Variants in SCAPER observed in about 807,000 individuals in gnomAD.
SCAPER encodes the protein S-phase cyclin A associated protein in the ER.
In SCAPER, 98 loss-of-function variants were observed where a neutral mutation model predicts 182.2. The observed-to-expected ratio is 0.54, with a 90% CI of 0.46 to 0.64. SCAPER has a LOEUF of 0.64. Ranked by LOEUF, SCAPER falls within the 30% of genes least tolerant of loss-of-function variation. SCAPER has a pLI of 0.00. For missense variants in SCAPER, 1,432 were observed against 1,690.0 expected (o/e 0.85, Z 2.68); for synonymous variants, 605 against 564.6 (o/e 1.07, Z -1.01).
intron 9 of SCAPER, among the ~76,000 whole-genome samples, chr15:76,772,318 C>A (rs1427712893): frequency 6.6e-6 from 1 of 151,950 alleles, no homozygotes; most frequent in Non-Finnish European, 1.5e-5. Flanking sequence ...TATACTCATA[C>A]AACCAAAAGT....
intron 23 of SCAPER, among the ~76,000 whole-genome samples, chr15:76,517,416 C>G (rs1323534615): frequency 6.8e-6 from 1 of 146,198 alleles, no homozygotes; most frequent in Non-Finnish European, 1.5e-5. Flanking sequence ...GTGGTGTGAT[C>G]TTGACTCACT....
intron 11 of SCAPER, 83 bp downstream of exon 11, chr15:76,766,835 G>A (rs1209539577): frequency 8.4e-6 from 9 of 1,069,148 alleles, no homozygotes; most frequent in African/African-American, 1.6e-5. Flanking sequence ...AGGACTAGAT[G>A]GACTCCAAGT....
chr15:76,478,329 A>G (rs756554557), intron 24 of SCAPER, among the ~76,000 whole-genome samples: 3 of 152,052 alleles, frequency 2.0e-5, no homozygotes, highest in Admixed American at 6.5e-5. Flanking sequence ...CATATTGTTA[A>G]TATCTTTTTC....
In SCAPER at chr15:76,742,494, A is replaced by AG. The variant is rs1567986977; in HGVS notation, c.1867-9111dup. ...AAAAAAAAAAAAAAAAAAAAAAAAA[A>AG]GAATAAAAATAAACAGCAGTTATTG... On this transcript the variant is annotated intron_variant, in intron 15 of 31. Coordinates refer to ENST00000563290, the MANE Select transcript of SCAPER (RefSeq NM_020843.4). Among the ~76,000 whole-genome samples, 11 of 108,660 alleles carry AG rather than the reference A, an allele frequency of 1.0e-4. 2 individuals are homozygous for AG. The highest frequency in any genetic ancestry group is 2.9e-4 in the South Asian group (1 of 3,416). 71.3% of individuals were successfully genotyped at this position (108,660 alleles called of 152,430 possible). A position where few individuals can be genotyped will look rare whatever the true frequency, so the allele number is the denominator to read the frequency against.
intron 5 of SCAPER, among the ~76,000 whole-genome samples, chr15:76,816,579 T>C (rs1163932062): frequency 2.0e-5 from 3 of 152,182 alleles, no homozygotes; most frequent in African/African-American, 7.2e-5. Flanking sequence ...ACAGTTAGCT[T>C]TCTTTTTGTT....
At position 76,592,241 on chromosome 15, in the gene SCAPER, G is replaced by T. The variant is rs1015008743; in HGVS notation, c.2712-17957C>A. On this transcript the variant is annotated intron_variant, in intron 22 of 31. Transcript: ENST00000563290. Reference sequence around the variant, plus strand: ...AATATTTTTAAAATGGCATCTTAGAGGAAAGGAAGATATTTTAGAAATAAA... The same window carrying T: ...AATATTTTTAAAATGGCATCTTAGATGAAAGGAAGATATTTTAGAAATAAA... Among the ~76,000 whole-genome samples the T allele has an allele frequency of 1.9e-4, 28 of 145,800 alleles. 5 individuals are homozygous for T. The highest frequency in any genetic ancestry group is 3.5e-4 in the Non-Finnish European group (23 of 65,372).
chr15:76,798,556 A>G (rs1055575560), intron 7 of SCAPER, among the ~76,000 whole-genome samples: 10 of 152,090 alleles, frequency 6.6e-5, no homozygotes, highest in Non-Finnish European at 1.3e-4. Context: ...ATACATATCC[A>G]AGAGACTCAA....
At chr15:76,720,441 C>A (rs903196205) in intron 17 of SCAPER, among the ~76,000 whole-genome samples, 5 of 152,282 alleles carry the variant, frequency 3.3e-5, no homozygotes, top group South Asian at 4.1e-4. Context: ...TGGGTATATA[C>A]CCAGTAATGG....
At position 76,717,468 on chromosome 15, in the gene SCAPER, T is replaced by G. The variant is rs538615924; in HGVS notation, c.2165+11127A>C. Among the ~76,000 whole-genome samples the G allele has an allele frequency of 2.0e-5, 3 of 152,184 alleles. No individual in the cohort carries two copies. The South Asian group carries it at 6.2e-4, about 32-fold the overall frequency. ...TCAAAATAGTCAAAAACAACAAAAG[T>G]TACAATAAGTTTTTAAGGAATACAT... is the stretch of plus-strand genomic sequence containing the variant. On this transcript the variant is annotated intron_variant, in intron 17 of 31. Transcript: ENST00000563290.
chr15:76,459,924 G>C (rs560707897), intron 25 of SCAPER, among the ~76,000 whole-genome samples: 1 of 152,246 alleles, frequency 6.6e-6, no homozygotes, highest in South Asian at 2.1e-4. Context: ...TTACTAAAGA[G>C]GGTGTCCATT....
At chr15:76,866,304 A>G (rs1445568305) in intron 2 of SCAPER, among the ~76,000 whole-genome samples, 2 of 152,044 alleles carry the variant, frequency 1.3e-5, no homozygotes, top group Non-Finnish European at 2.9e-5. Context: ...TATGCCATAC[A>G]TTACATTCTA....
rs747291830 is a variant in SCAPER, at chr15:76,804,529, T to C, written c.494+4A>G. 3 of 1,594,604 alleles carry C rather than the reference T, an allele frequency of 1.9e-6. No individual in the cohort carries two copies. Among genetic ancestry groups the C allele is most frequent in the Admixed American group, 3.4e-5 (2 of 58,708 alleles). On this transcript the variant is annotated splice_donor_region_variant and intron_variant, in intron 6 of 31. Coordinates refer to ENST00000563290, the MANE Select transcript of SCAPER (RefSeq NM_020843.4). The stretch of plus-strand genomic sequence containing the variant: ...AGGAAGATTGAGACCAGAGAGCTCA[T>C]TACCTGCTTTGAGCATCTGTCTTCT...
intron 22 of SCAPER, among the ~76,000 whole-genome samples, chr15:76,581,817 C>T (rs1433257418): frequency 2.0e-5 from 3 of 152,076 alleles, no homozygotes; most frequent in East Asian, 3.9e-4. Flanking sequence ...AACTCCTGAG[C>T]TCAGGCAATC....
At chr15:76,883,993 C>T (rs1256577058) in intron 1 of SCAPER, 117 bp from the exon 2 acceptor site, 2 of 560,594 alleles carry the variant, frequency 3.6e-6, no homozygotes, top group African/African-American at 4.0e-5. Flanking sequence ...AAAAAAACTG[C>T]TCCTTTATAT....
intron 23 of SCAPER, among the ~76,000 whole-genome samples, chr15:76,563,080 C>T (rs951178553): frequency 1.3e-5 from 2 of 152,058 alleles, no homozygotes; most frequent in African/African-American, 2.4e-5. Context: ...AAGGAAGTCG[C>T]TTCTTAAAAG....
intron 5 of SCAPER, among the ~76,000 whole-genome samples, chr15:76,836,062 G>A (rs1217288328): frequency 1.3e-5 from 2 of 151,934 alleles, no homozygotes; most frequent in African/African-American, 2.4e-5. Flanking sequence ...CATATTCCAT[G>A]CTCATGGATA....
Position 76,841,820 on chromosome 15 carries a change from A to G in SCAPER, c.307T>C (p.Trp103Arg). ...PRKIDLRARY[W>R]AFLFDNLRRA... ...CGAAGATTATCAAAAAGAAATGCCC[A>G]GTATCGAGCTCTTAGATCAATTTTC... is the stretch of plus-strand genomic sequence containing the variant. The change falls in exon 5 of 32, where the codon TGG becomes CGG. Residue 103 changes from tryptophan (W) to arginine (R), a missense_variant. Coordinates refer to ENST00000563290, the MANE Select transcript of SCAPER (RefSeq NM_020843.4). The G allele has an allele frequency of 6.2e-7, 1 of 1,613,954 alleles. No homozygotes were observed. Among genetic ancestry groups the G allele is most frequent in the Non-Finnish European group, 8.5e-7 (1 of 1,179,870 alleles).
At chr15:76,484,460 AACAG>A (rs1362045304) in intron 24 of SCAPER, among the ~76,000 whole-genome samples, 1 of 152,170 alleles carries the variant, frequency 6.6e-6, no homozygotes, top group South Asian at 2.1e-4. Flanking sequence ...GGAATCCCTG[AACAG>A]ACAAATAACA....
At chr15:76,452,697 T>A (rs2048455160) in intron 25 of SCAPER, among the ~76,000 whole-genome samples, 1 of 152,348 alleles carries the variant, frequency 6.6e-6, no homozygotes, top group Non-Finnish European at 1.5e-5. Context: ...TTGAGGTCAA[T>A]GTATGTAGCT....
Sources: allele counts gnomAD v4.1 joint callset (sites outside exome capture counted in the v4.1 genomes callset), GRCh38; gene constraint gnomAD v4.1.1; transcripts MANE v1.5; gene names NCBI Gene and HGNC (gene_info 2026-07-23, HGNC 2026-07-21).